Variants in SIM1 observed in about 807,000 individuals in gnomAD.
The protein encoded by SIM1 is single-minded homolog 1.
Under a neutral mutation model 78.2 loss-of-function variants are expected in SIM1, and 18 were observed. The ratio of observed to expected loss-of-function variants is 0.23; its 90% CI spans 0.16 to 0.34. The LOEUF is 0.34. SIM1 is among the 10% of genes least tolerant of loss of function. SIM1 has a pLI of 1.00. For synonymous variants in SIM1, 417 were observed against 385.2 expected, an observed-to-expected ratio of 1.08 and a Z score of -0.97; for missense variants, 939 against 975.1, an observed-to-expected ratio of 0.96 and a Z score of 0.49.
At chr6:100,438,171 C>T (rs1242179578) in intron 9 of SIM1, among the ~76,000 whole-genome samples, 6 of 152,028 alleles carry the variant, frequency 3.9e-5, no homozygotes, top group Non-Finnish European at 8.8e-5. Flanking sequence ...AGAATAAACA[C>T]ACAACACACA....
intron 9 of SIM1, among the ~76,000 whole-genome samples, chr6:100,433,836 CT>C (rs1232974182): frequency 6.7e-6 from 1 of 150,050 alleles, no homozygotes; most frequent in East Asian, 2.0e-4. Context: ...GGGACTTTGT[CT>C]CTTTCAGCCA....
intron 9 of SIM1, among the ~76,000 whole-genome samples, chr6:100,426,240 C>T (rs1304526714): frequency 1.3e-5 from 2 of 152,144 alleles, no homozygotes; most frequent in Non-Finnish European, 2.9e-5. Flanking sequence ...TCAATCTCAC[C>T]CATATTTGCA....
Position 100,393,677 on chromosome 6 carries a change from C to T in SIM1, c.1380G>A (p.Arg460=). The T allele has an allele frequency of 6.2e-7, 1 of 1,614,016 alleles. No individual in the cohort carries two copies. Among genetic ancestry groups the T allele is most frequent in the Non-Finnish European group, 8.5e-7 (1 of 1,179,896 alleles). Residue 460 remains arginine (R), a synonymous_variant, in exon 11 of 12, where the codon AGG becomes AGA. Coordinates refer to ENST00000369208, the MANE Select transcript of SIM1 (RefSeq NM_005068.3). The part of the protein sequence containing the change: ...ALDHSRLVEE[R]HFHTQACEGG... ...CTTCACAGGCCTGGGTATGGAAATGCCTCTCTTCCACCAGCCTCGAGTGGT... is the reference window on the plus strand; with the variant it reads ...CTTCACAGGCCTGGGTATGGAAATGTCTCTCTTCCACCAGCCTCGAGTGGT...
At chr6:100,394,029 T>C in intron 10 of SIM1, 140 bp from the exon 11 acceptor site, 3 of 783,452 alleles carry the variant, frequency 3.8e-6, no homozygotes, top group Non-Finnish European at 5.8e-6. Flanking sequence ...AAATAACCGT[T>C]GCTTTGGCAT....
chr6:100,386,088 A>G lies in SIM1; in HGVS notation c.*4273T>C, dbSNP rs917218522. The G allele has an allele frequency of 1.3e-5, 2 of 152,062 alleles. No homozygotes were observed. Among genetic ancestry groups the G allele is most frequent in the South Asian group, 2.1e-4 (1 of 4,830 alleles). 9.4% of individuals were successfully genotyped at this position (152,062 alleles called of 1,614,324 possible). A position where few individuals can be genotyped will look rare whatever the true frequency, so the allele number is the denominator to read the frequency against. On this transcript the variant is annotated 3_prime_UTR_variant, in exon 12 of 12. Transcript: ENST00000369208. ...AAATCCCTATTCACAAAAACTTGAC[A>G]TTTACATAAACGTTGAATCATTTAT...
intron 2 of SIM1, among the ~76,000 whole-genome samples, chr6:100,455,634 TGGCCCTTGGG>T: frequency 1.3e-5 from 2 of 152,214 alleles, no homozygotes; most frequent in African/African-American, 2.4e-5. Flanking sequence ...CCGGCGACGC[TGGCCCTTGGG>T]CGCTCTGGGG....
At chr6:100,423,779 C>T (rs1771654652) in intron 9 of SIM1, among the ~76,000 whole-genome samples, 2 of 152,206 alleles carry the variant, frequency 1.3e-5, no homozygotes, top group Admixed American at 1.3e-4. Flanking sequence ...TGCCATTAGA[C>T]ATCAGTGAGC....
chr6:100,402,866 G>A (rs1201546081), intron 10 of SIM1, among the ~76,000 whole-genome samples: 1 of 152,034 alleles, frequency 6.6e-6, no homozygotes, highest in Non-Finnish European at 1.5e-5. Context: ...GTGAGCCACC[G>A]CGCCCGGCCG....
At chr6:100,420,555 A>G (rs953529952) in intron 10 of SIM1, among the ~76,000 whole-genome samples, 1 of 152,194 alleles carries the variant, frequency 6.6e-6, no homozygotes, top group African/African-American at 2.4e-5. Context: ...TAGTTCTGAC[A>G]ACAACCAGAC....
chr6:100,448,216 C>A lies in SIM1; in HGVS notation c.780G>T (p.Leu260=). 6.2e-7 allele frequency: 1 copy of A among 1,613,872 alleles called. No individual in the cohort carries two copies. Among genetic ancestry groups the A allele is most frequent in the South Asian group, 1.1e-5 (1 of 91,042 alleles). ...CATGGTGGTACAGAGTCTTCTCAAT[C>A]AGGTCCTGAGGTTCGTACCCCGTCA... ...AELTGYEPQD[L]IEKTLYHHVH... Residue 260 remains leucine, a synonymous_variant, in exon 8 of 12, where the codon CTG becomes CTT. Coordinates refer to ENST00000369208, the MANE Select transcript of SIM1 (RefSeq NM_005068.3).
intron 2 of SIM1, among the ~76,000 whole-genome samples, chr6:100,461,555 G>C (rs1333461334): frequency 6.6e-6 from 1 of 152,230 alleles, no homozygotes; most frequent in African/African-American, 2.4e-5. Flanking sequence ...TGACGAGACC[G>C]GCTGGAAATC....
intron 10 of SIM1, among the ~76,000 whole-genome samples, chr6:100,397,877 C>A (rs1017496502): frequency 6.6e-6 from 1 of 151,990 alleles, no homozygotes; most frequent in Non-Finnish European, 1.5e-5. Flanking sequence ...CTTCACTGGG[C>A]AGGATATACA....
In SIM1 at chr6:100,387,543, C is replaced by T. The variant is rs1770544225; in HGVS notation, c.*2818G>A. ...CATGCCATATTGCAAAAAATGTAAG[C>T]TATACAATATAGTGAGTCAATATGA... On this transcript the variant is annotated 3_prime_UTR_variant, in exon 12 of 12. Transcript: ENST00000369208. 1 of 151,886 alleles carries T rather than the reference C, an allele frequency of 6.6e-6. No homozygotes were observed. Among genetic ancestry groups the T allele is most frequent in the Non-Finnish European group, 1.5e-5 (1 of 67,912 alleles). The allele number at this position is 151,886 out of a possible 1,614,324, so 9.4% of individuals were successfully genotyped here.
chr6:100,433,411 G>A (rs1242217794), intron 9 of SIM1, among the ~76,000 whole-genome samples: 2 of 152,134 alleles, frequency 1.3e-5, no homozygotes, highest in South Asian at 2.1e-4. Context: ...TACTCTCCCT[G>A]TAGGACTCCA....
chr6:100,448,508 C>T lies in SIM1; in HGVS notation c.714G>A (p.Leu238=), dbSNP rs2114540766. ...HSNMFMFRAS[L]DMKLIFLDSR... ...AGTCCAGAAAGATGAGCTTCATGTC[C>T]AGGCTGGCGCGGAACATAAACATAT... is the stretch of plus-strand genomic sequence containing the variant. Residue 238 remains leucine (L), a synonymous_variant, in exon 7 of 12, where the codon CTG becomes CTA. Transcript: ENST00000369208. 6.2e-7 allele frequency: 1 copy of T among 1,614,070 alleles called. No individual in the cohort carries two copies. The highest frequency in any genetic ancestry group is 8.5e-7 in the Non-Finnish European group (1 of 1,180,036).
chr6:100,393,592 A>C lies in SIM1; in HGVS notation c.1465T>G (p.Trp489Gly). Residue 489 changes from tryptophan (W) to glycine (G), a missense_variant, in exon 11 of 12, where the codon TGG becomes GGG. Trp to Gly is a radical substitution (Grantham distance 184, BLOSUM62 -2). Transcript: ENST00000369208. The part of the protein sequence containing the change: ...LGTPQAGREP[W>G]WGSRAALPLT... ...GGCAAGGCTGCGCGAGAGCCCCACC[A>C]GGGCTCCCTCCCGGCCTGCGGCGTT... 2 of 1,613,850 alleles carry C rather than the reference A, an allele frequency of 1.2e-6. No individual in the cohort carries two copies. The highest frequency in any genetic ancestry group is 1.7e-6 in the Non-Finnish European group (2 of 1,179,746).
intron 10 of SIM1, among the ~76,000 whole-genome samples, chr6:100,398,728 T>A (rs929590105): frequency 1.3e-5 from 2 of 152,118 alleles, no homozygotes; most frequent in Non-Finnish European, 2.9e-5. Flanking sequence ...ACGATGAACA[T>A]GGGTGTACAA....
At chr6:100,433,890 G>A (rs1771972356) in intron 9 of SIM1, among the ~76,000 whole-genome samples, 4 of 152,084 alleles carry the variant, frequency 2.6e-5, no homozygotes, top group Admixed American at 2.6e-4. Flanking sequence ...AGGCACTAGG[G>A]AAATATTTGC....
intron 8 of SIM1, among the ~76,000 whole-genome samples, chr6:100,447,804 G>T (rs1391906008): frequency 6.6e-6 from 1 of 152,248 alleles, no homozygotes; most frequent in East Asian, 1.9e-4. Flanking sequence ...AAAGCCAGGC[G>T]AGTCAACGCA....
Sources: allele counts gnomAD v4.1 joint callset (sites outside exome capture counted in the v4.1 genomes callset), GRCh38; gene constraint gnomAD v4.1.1; transcripts MANE v1.5; gene names NCBI Gene and HGNC (gene_info 2026-07-23, HGNC 2026-07-21).